CNTN4: variants seen among roughly 807,000 people sequenced by gnomAD.
CNTN4 encodes contactin-4.
Under a neutral mutation model 122.5 loss-of-function variants are expected in CNTN4, and 77 were observed. The ratio of observed to expected loss-of-function variants is 0.63; its 90% CI spans 0.52 to 0.76. The LOEUF (loss-of-function observed/expected upper bound fraction) is 0.76, where lower values mean the gene tolerates loss of function less well. Ranked by LOEUF, CNTN4 falls within the 30% of genes least tolerant of loss-of-function variation. CNTN4 has a pLI of 0.00. For missense variants in CNTN4, 1,256 were observed against 1,259.1 expected (o/e 1.00, Z 0.04); for synonymous variants, 512 against 447.0 (o/e 1.15, Z -1.83).
At chr3:2,744,374 G>A (rs1471233420) in intron 5 of CNTN4, among the ~76,000 whole-genome samples, 1 of 152,202 alleles carries the variant, frequency 6.6e-6, no homozygotes, top group Non-Finnish European at 1.5e-5. Flanking sequence ...GAATGTGCAT[G>A]TGCACACACA....
At chr3:2,660,654 T>C (rs2083841545) in intron 4 of CNTN4, among the ~76,000 whole-genome samples, 1 of 152,212 alleles carries the variant, frequency 6.6e-6, no homozygotes, top group Non-Finnish European at 1.5e-5. Flanking sequence ...CATTGAATTA[T>C]CTTCTTTTGG....
intron 4 of CNTN4, among the ~76,000 whole-genome samples, chr3:2,618,264 G>A (rs542715404): frequency 5.9e-5 from 9 of 151,396 alleles, no homozygotes; most frequent in Non-Finnish European, 1.2e-4. Flanking sequence ...TATGGAATAT[G>A]CATGTATATG....
chr3:2,120,113 T>A (rs774535603), intron 2 of CNTN4, among the ~76,000 whole-genome samples: 1 of 151,790 alleles, frequency 6.6e-6, no homozygotes, highest in East Asian at 2.0e-4. Context: ...ATAACCTGAT[T>A]TAAGTTTTAA....
At chr3:2,883,360 C>G (rs138191607) in intron 9 of CNTN4, 113 bp downstream of exon 9, 20 of 774,904 alleles carry the variant, frequency 2.6e-5, no homozygotes, top group Non-Finnish European at 4.0e-5. Flanking sequence ...GCAAGTGAAG[C>G]CTTTCTCTTT....
At chr3:2,618,836 T>G (rs1290220729) in intron 4 of CNTN4, among the ~76,000 whole-genome samples, 1 of 152,196 alleles carries the variant, frequency 6.6e-6, no homozygotes, top group Non-Finnish European at 1.5e-5. Context: ...CTTAAAAATG[T>G]CAGGTATTTT....
At chr3:2,337,957 A>C (rs1368204597) in intron 2 of CNTN4, among the ~76,000 whole-genome samples, 1 of 152,120 alleles carries the variant, frequency 6.6e-6, no homozygotes, top group East Asian at 1.9e-4. Context: ...GTTTAGATAC[A>C]TACTAAACTT....
intron 2 of CNTN4, among the ~76,000 whole-genome samples, chr3:2,101,039 T>A (rs924060366): frequency 6.6e-6 from 1 of 152,244 alleles, no homozygotes; most frequent in South Asian, 2.1e-4. Context: ...TCAGTTTCTT[T>A]GAGTTGTAAA....
intron 4 of CNTN4, among the ~76,000 whole-genome samples, chr3:2,697,185 A>G (rs531200631): frequency 1.3e-5 from 2 of 152,314 alleles, no homozygotes; most frequent in Admixed American, 1.3e-4. Context: ...TTTTAGTGTA[A>G]TTAAGGAGAT....
intron 23 of CNTN4, among the ~76,000 whole-genome samples, chr3:3,051,292 G>T (rs1701244334): frequency 6.6e-6 from 1 of 152,100 alleles, no homozygotes. Flanking sequence ...TATATCAAAT[G>T]CAAGCACAGC....
At chr3:2,666,198 A>C (rs193288074) in intron 4 of CNTN4, among the ~76,000 whole-genome samples, 33 of 152,282 alleles carry the variant, frequency 2.2e-4, no homozygotes, top group African/African-American at 7.5e-4. Context: ...AAGCCAATAA[A>C]TATGCTTCCT....
At chr3:2,732,743 T>G (rs1199016123) in intron 4 of CNTN4, among the ~76,000 whole-genome samples, 1 of 152,156 alleles carries the variant, frequency 6.6e-6, no homozygotes, top group African/African-American at 2.4e-5. Flanking sequence ...AAAAACATTG[T>G]TAACCCTGGT....
intron 3 of CNTN4, among the ~76,000 whole-genome samples, chr3:2,564,014 A>G (rs1179102569): frequency 6.6e-6 from 1 of 152,218 alleles, no homozygotes; most frequent in Non-Finnish European, 1.5e-5. Context: ...GAAGCAAGGT[A>G]TGTTTGTATT....
intron 6 of CNTN4, among the ~76,000 whole-genome samples, chr3:2,780,971 A>G (rs1337917996): frequency 1.3e-5 from 2 of 152,342 alleles, no homozygotes; most frequent in African/African-American, 2.4e-5. Context: ...ACTTGAGCAC[A>G]TGAGACTGTT....
chr3:2,194,156 T>C (rs983581653), intron 2 of CNTN4, among the ~76,000 whole-genome samples: 2 of 152,068 alleles, frequency 1.3e-5, no homozygotes, highest in Non-Finnish European at 2.9e-5. Context: ...AAAATAATTA[T>C]ATGTATAATT....
chr3:3,038,855 C>A, intron 18 of CNTN4, 78 bp from the exon 19 acceptor site: 2 of 1,185,064 alleles, frequency 1.7e-6, no homozygotes, highest in South Asian at 1.2e-5. Context: ...GAAAGTGAGT[C>A]ACCTCTGCCA....
At chr3:2,748,601 C>G (rs1032596195) in intron 6 of CNTN4, among the ~76,000 whole-genome samples, 3 of 152,150 alleles carry the variant, frequency 2.0e-5, no homozygotes, top group African/African-American at 7.2e-5. Context: ...CACTCTTGTT[C>G]AACCAGCTAC....
chr3:2,287,772 GAAGAAGGAGA>G (rs1559416302), intron 2 of CNTN4, among the ~76,000 whole-genome samples: 2 of 148,508 alleles, frequency 1.3e-5, no homozygotes, highest in Admixed American at 1.3e-4. Context: ...AGAAGAAGAA[GAAGAAGGAGA>G]AGAAGAGGAG....
rs569977920 is a variant in CNTN4, at chr3:2,804,538, G to T, written c.359-14948G>T. Among the ~76,000 whole-genome samples the T allele has an allele frequency of 2.6e-5, 4 of 152,304 alleles. No homozygotes were observed. The East Asian group carries it at 7.7e-4, about 29-fold the overall frequency. On this transcript the variant is annotated intron_variant, in intron 6 of 24. Transcript: ENST00000418658. Reference sequence around the variant, plus strand: ...ATATGTGAAAAACACTTAGGATAATGCCTAGCACATAGGAAGAACTCAATA... The same window carrying T: ...ATATGTGAAAAACACTTAGGATAATTCCTAGCACATAGGAAGAACTCAATA...
intron 13 of CNTN4, among the ~76,000 whole-genome samples, chr3:2,928,308 T>G (rs546727996): frequency 2.6e-3 from 403 of 152,320 alleles, no homozygotes; most frequent in Non-Finnish European, 4.8e-3. Flanking sequence ...CTGAAATGGG[T>G]GAACAATAAG....
Sources: allele counts gnomAD v4.1 joint callset (sites outside exome capture counted in the v4.1 genomes callset), GRCh38; gene constraint gnomAD v4.1.1; transcripts MANE v1.5; gene names NCBI Gene and HGNC (gene_info 2026-07-23, HGNC 2026-07-21).